CDH13: variants seen among roughly 807,000 people sequenced by gnomAD.
The protein encoded by CDH13 is cadherin 13, also known as cadherin-13.
A neutral mutation model predicts 63.8 loss-of-function variants in CDH13; 24 were observed. The observed-to-expected ratio is 0.38, with a 90% CI of 0.27 to 0.53. The LOEUF (loss-of-function observed/expected upper bound fraction) is 0.53. Ranked by LOEUF, CDH13 falls within the 20% of genes least tolerant of loss-of-function variation. CDH13 has a pLI of 0.85. For missense variants in CDH13, 1,049 were observed against 903.1 expected (o/e 1.16, Z -2.07); for synonymous variants, 503 against 355.3 (o/e 1.42, Z -4.67).
intron 1 of CDH13, among the ~76,000 whole-genome samples, chr16:82,713,730 A>C (rs764607341): frequency 1.6e-4 from 23 of 147,902 alleles, no homozygotes; most frequent in Non-Finnish European, 2.8e-4. Flanking sequence ...GGCCTAGTGC[A>C]TGTTTCACCT....
chr16:83,423,543 A>G (rs1366550298), intron 6 of CDH13, among the ~76,000 whole-genome samples: 1 of 152,080 alleles, frequency 6.6e-6, no homozygotes, highest in Non-Finnish European at 1.5e-5. Context: ...AATTTTTCTA[A>G]AAGTCTGAAA....
chr16:82,998,405 A>G (rs72792168), intron 2 of CDH13, among the ~76,000 whole-genome samples: 24,533 of 152,116 alleles, frequency 0.16, 2,374 homozygotes, highest in African/African-American at 0.26. Context: ...GTTCTTTTCT[A>G]TTTTGTTTTG....
chr16:83,012,318 CTTTTTT>C (rs33972456), intron 2 of CDH13, among the ~76,000 whole-genome samples: 4 of 121,110 alleles, frequency 3.3e-5, no homozygotes, highest in Non-Finnish European at 6.8e-5. Flanking sequence ...GGTTTCTTTC[CTTTTTT>C]TTTTTTTTTT....
At chr16:82,964,505 G>A (rs764359974) in intron 2 of CDH13, among the ~76,000 whole-genome samples, 5 of 152,166 alleles carry the variant, frequency 3.3e-5, no homozygotes, top group Non-Finnish European at 5.9e-5. Context: ...TTGGATAAGG[G>A]CCACACAGGT....
intron 1 of CDH13, among the ~76,000 whole-genome samples, chr16:82,774,877 C>A (rs541042693): frequency 2.0e-5 from 3 of 152,290 alleles, no homozygotes; most frequent in African/African-American, 7.2e-5. Flanking sequence ...CCTCTGTTAC[C>A]AAACAAGCTC....
At chr16:83,663,797 A>G (rs995109132) in intron 8 of CDH13, among the ~76,000 whole-genome samples, 48 of 152,178 alleles carry the variant, frequency 3.2e-4, no homozygotes, top group African/African-American at 1.2e-3. Flanking sequence ...TGGGCATTAA[A>G]AATCAAGTCT....
chr16:83,758,777 A>G (rs531802213), intron 11 of CDH13, among the ~76,000 whole-genome samples: 20 of 152,354 alleles, frequency 1.3e-4, no homozygotes, highest in African/African-American at 4.8e-4. Context: ...TACTGTTTGC[A>G]ATATCATCAG....
chr16:82,685,870 G>A (rs911807185), intron 1 of CDH13, among the ~76,000 whole-genome samples: 1 of 152,196 alleles, frequency 6.6e-6, no homozygotes, highest in Non-Finnish European at 1.5e-5. Flanking sequence ...AGCAGAGACA[G>A]TCCTCTTTTT....
At chr16:83,083,982 C>G (rs1440679917) in intron 3 of CDH13, among the ~76,000 whole-genome samples, 2 of 152,200 alleles carry the variant, frequency 1.3e-5, no homozygotes, top group African/African-American at 4.8e-5. Context: ...CGAGACCAGA[C>G]CTTTGCAATG....
At chr16:83,651,698 A>G (rs1598416256) in intron 8 of CDH13, among the ~76,000 whole-genome samples, 1 of 149,372 alleles carries the variant, frequency 6.7e-6, no homozygotes, top group South Asian at 2.1e-4. Flanking sequence ...CAGGTTCAAG[A>G]AATTCTCCTG....
At chr16:82,773,786 T>C (rs1366423065) in intron 1 of CDH13, among the ~76,000 whole-genome samples, 1 of 149,140 alleles carries the variant, frequency 6.7e-6, no homozygotes, top group African/African-American at 2.4e-5. Flanking sequence ...TTTCTTCTTC[T>C]TCTTCTTTTT....
intron 6 of CDH13, among the ~76,000 whole-genome samples, chr16:83,378,110 C>A (rs189761913): frequency 6.6e-6 from 1 of 152,178 alleles, no homozygotes; most frequent in East Asian, 1.9e-4. Context: ...TAAGAGCACA[C>A]CTTGCAGAAG....
chr16:82,859,263 A>T (rs2039831290), intron 2 of CDH13: 1 of 152,256 alleles, frequency 6.6e-6, no homozygotes, highest in African/African-American at 2.4e-5. Context: ...ACTGATCTAA[A>T]CTGATCAGAT....
intron 1 of CDH13, among the ~76,000 whole-genome samples, chr16:82,682,020 G>T (rs1238059011): frequency 6.6e-6 from 1 of 152,130 alleles, no homozygotes; most frequent in East Asian, 1.9e-4. Flanking sequence ...AATCAGGTGG[G>T]GCTCTCAAGC....
chr16:83,782,889 C>T (rs116250961), intron 12 of CDH13, among the ~76,000 whole-genome samples: 41 of 152,118 alleles, frequency 2.7e-4, no homozygotes, highest in African/African-American at 6.3e-4. Context: ...ATGGCTTTTT[C>T]GTGTAATAAA....
intron 3 of CDH13, among the ~76,000 whole-genome samples, chr16:83,091,190 C>T (rs914114265): frequency 7.3e-5 from 11 of 151,322 alleles, no homozygotes; most frequent in African/African-American, 2.4e-4. Flanking sequence ...TTCTTTCTTC[C>T]TTCTTTCCTT....
At chr16:83,383,181 C>T (rs1597882235) in intron 6 of CDH13, 1 of 152,110 alleles carries the variant, frequency 6.6e-6, no homozygotes, top group African/African-American at 2.4e-5. Flanking sequence ...TTCCTCGGGA[C>T]CAGTTTCAGG....
intron 1 of CDH13, among the ~76,000 whole-genome samples, chr16:82,788,957 C>G (rs558374189): frequency 6.6e-6 from 1 of 152,284 alleles, no homozygotes; most frequent in Admixed American, 6.5e-5. Context: ...GGTGAGCTTC[C>G]GGGCTGAATC....
At chr16:83,246,490 G>T (rs570910340) in intron 5 of CDH13, among the ~76,000 whole-genome samples, 7 of 151,944 alleles carry the variant, frequency 4.6e-5, no homozygotes, top group African/African-American at 1.7e-4. Flanking sequence ...CCTATCATTG[G>T]CCTGGCATTC....
Sources: gnomAD v4.1 joint callset for allele counts (sites outside exome capture counted in the v4.1 genomes callset) on GRCh38, gnomAD v4.1.1 for gene constraint, MANE v1.5 for transcripts, NCBI Gene and HGNC (gene_info 2026-07-23, HGNC 2026-07-21) for gene names.